The following SEMA3A variants were observed in gnomAD, a reference collection of about 807,000 sequenced individuals.
The protein encoded by SEMA3A is semaphorin-3A.
In SEMA3A, 29 loss-of-function variants were observed where a neutral mutation model predicts 97.9. That is an observed-to-expected ratio of 0.30 (90% confidence interval 0.22 to 0.40). The LOEUF is 0.40. Ranked by LOEUF, SEMA3A falls within the 10% of genes least tolerant of loss-of-function variation. SEMA3A has a pLI of 1.00. For missense variants in SEMA3A, 763 were observed against 951.3 expected (o/e 0.80, Z 2.60); for synonymous variants, 321 against 323.7 (o/e 0.99, Z 0.09).
intron 1 of SEMA3A, among the ~76,000 whole-genome samples, chr7:84,447,598 T>C (rs762907406): frequency 2.0e-5 from 3 of 152,128 alleles, no homozygotes; most frequent in African/African-American, 2.4e-5. Flanking sequence ...CCTGGACTCA[T>C]TGGAATGACC....
intron 7 of SEMA3A, among the ~76,000 whole-genome samples, chr7:84,012,273 TAGC>T: frequency 6.6e-6 from 1 of 152,160 alleles, no homozygotes; most frequent in Admixed American, 6.5e-5. Context: ...GCATATTAAT[TAGC>T]AGGATCTAGC....
intron 1 of SEMA3A, among the ~76,000 whole-genome samples, chr7:84,400,666 T>A (rs1389626180): frequency 4.6e-5 from 7 of 152,158 alleles, no homozygotes; most frequent in African/African-American, 9.7e-5. Flanking sequence ...CTAAGATTTA[T>A]CGGCCTTAAA....
chr7:84,124,572 G>A (rs753424740), intron 3 of SEMA3A, among the ~76,000 whole-genome samples: 7 of 152,090 alleles, frequency 4.6e-5, no homozygotes, highest in South Asian at 2.1e-4. Context: ...CAAACTGTCC[G>A]TTGTGTCACT....
chr7:84,088,784 T>G (rs1221585701), intron 4 of SEMA3A, among the ~76,000 whole-genome samples: 1 of 152,126 alleles, frequency 6.6e-6, no homozygotes, highest in Non-Finnish European at 1.5e-5. Context: ...GTTGGAGAAT[T>G]TAAAAATGCA....
chr7:84,086,171 T>C (rs1794333223), intron 4 of SEMA3A, among the ~76,000 whole-genome samples: 1 of 151,994 alleles, frequency 6.6e-6, no homozygotes, highest in Non-Finnish European at 1.5e-5. Flanking sequence ...CTACAATCAC[T>C]ACTACTGCTG....
At chr7:84,021,326 A>G (rs1023862755) in intron 6 of SEMA3A, among the ~76,000 whole-genome samples, 4 of 152,198 alleles carry the variant, frequency 2.6e-5, no homozygotes, top group African/African-American at 9.7e-5. Flanking sequence ...TCTTTTTAAA[A>G]TATCTGCATT....
intron 1 of SEMA3A, among the ~76,000 whole-genome samples, chr7:84,454,733 C>T (rs1047756619): frequency 2.0e-5 from 3 of 151,926 alleles, no homozygotes; most frequent in Non-Finnish European, 4.4e-5. Flanking sequence ...TCAACAAAAA[C>T]TATTTGACTC....
At chr7:84,405,290 G>C (rs547001370) in intron 1 of SEMA3A, among the ~76,000 whole-genome samples, 244 of 152,214 alleles carry the variant, frequency 1.6e-3, no homozygotes, top group Non-Finnish European at 2.9e-3. Context: ...GATCAAAAGA[G>C]ACAAAGAAGG....
intron 2 of SEMA3A, among the ~76,000 whole-genome samples, chr7:84,368,025 C>G (rs1802893528): frequency 6.6e-6 from 1 of 151,070 alleles, no homozygotes; most frequent in African/African-American, 2.4e-5. Flanking sequence ...GTAATGCTTT[C>G]AAGGATGTTG....
At chr7:83,984,673 A>G (rs1482010043) in intron 13 of SEMA3A, among the ~76,000 whole-genome samples, 2 of 139,786 alleles carry the variant, frequency 1.4e-5, no homozygotes, top group Non-Finnish European at 1.5e-5. Flanking sequence ...AGTCTAGGTA[A>G]CATTTATGGA....
intron 2 of SEMA3A, among the ~76,000 whole-genome samples, chr7:84,361,671 T>C (rs1043203000): frequency 2.6e-5 from 4 of 152,096 alleles, no homozygotes; most frequent in East Asian, 1.9e-4. Context: ...TCTTATGACA[T>C]AGACAAGGAA....
intron 3 of SEMA3A, among the ~76,000 whole-genome samples, chr7:84,126,175 G>C (rs995462968): frequency 3.3e-4 from 50 of 152,064 alleles, no homozygotes; most frequent in African/African-American, 1.2e-3. Flanking sequence ...GGGTTCCTTT[G>C]AGCCTTACAG....
intron 4 of SEMA3A, among the ~76,000 whole-genome samples, chr7:84,081,408 CGG>C (rs1327570513): frequency 6.6e-6 from 1 of 151,814 alleles, no homozygotes; most frequent in East Asian, 1.9e-4. Flanking sequence ...CTGGCTAACA[CGG>C]TGAAACCCCG....
At chr7:84,394,176 G>GT (rs1803665323) in intron 1 of SEMA3A, among the ~76,000 whole-genome samples, 1 of 151,810 alleles carries the variant, frequency 6.6e-6, no homozygotes, top group Non-Finnish European at 1.5e-5. Context: ...AAATAGGTAT[G>GT]TTGTAGTTTT....
chr7:83,961,262 TA>T lies in SEMA3A; in HGVS notation c.*108del. ...AACTCAGCTGAATTTCCCACCATTGTAAACATCCACATAATGCCATGAAAAA... is the reference window on the plus strand; with the variant it reads ...AACTCAGCTGAATTTCCCACCATTGTAACATCCACATAATGCCATGAAAAA... On this transcript the variant is annotated 3_prime_UTR_variant, in exon 17 of 17. Transcript: ENST00000265362. The T allele has an allele frequency of 1.2e-6, 1 of 861,876 alleles. No homozygotes were observed. The highest frequency in any genetic ancestry group is 1.9e-6 in the Non-Finnish European group (1 of 529,952). The allele number at this position is 861,876 out of a possible 1,614,324, so 53.4% of individuals were successfully genotyped here.
chr7:84,338,230 A>G (rs1802084210), intron 2 of SEMA3A, among the ~76,000 whole-genome samples: 1 of 151,820 alleles, frequency 6.6e-6, no homozygotes, highest in South Asian at 2.1e-4. Flanking sequence ...GGGTCAGTAC[A>G]TATGAAATGA....
intron 4 of SEMA3A, among the ~76,000 whole-genome samples, chr7:84,079,907 T>C (rs139738235): frequency 0.39 from 55,454 of 141,742 alleles, 12,894 homozygotes; most frequent in African/African-American, 0.66. Flanking sequence ...TGCGCACGTA[T>C]GTTTATTGGG....
chr7:84,113,005 C>T (rs1226884590), intron 3 of SEMA3A, among the ~76,000 whole-genome samples: 2 of 152,214 alleles, frequency 1.3e-5, no homozygotes, highest in Non-Finnish European at 1.5e-5. Flanking sequence ...ACTGAACTCT[C>T]CCAGTTGGCA....
chr7:84,154,672 T>A (rs1796782453), intron 1 of SEMA3A, among the ~76,000 whole-genome samples: 1 of 112,844 alleles, frequency 8.9e-6, no homozygotes, highest in South Asian at 2.9e-4. Context: ...CAAGACTTAG[T>A]CTCAGGGAAA....
Sources: allele counts gnomAD v4.1 joint callset (sites outside exome capture counted in the v4.1 genomes callset), GRCh38; gene constraint gnomAD v4.1.1; transcripts MANE v1.5; gene names NCBI Gene and HGNC (gene_info 2026-07-23, HGNC 2026-07-21).